Variants in GRIA1 observed in about 807,000 individuals in gnomAD.
GRIA1 encodes the protein glutamate ionotropic receptor AMPA type subunit 1, also known as glutamate receptor 1.
Under a neutral mutation model 99.2 loss-of-function variants are expected in GRIA1, and 31 were observed. The observed-to-expected ratio is 0.31, with a 90% confidence interval of 0.23 to 0.42. The LOEUF is 0.42. GRIA1 is among the 10% of genes least tolerant of loss of function. GRIA1 has a pLI of 1.00. For missense variants in GRIA1, 782 were observed against 1,157.5 expected, an observed-to-expected ratio of 0.68 and a Z score of 4.71; for synonymous variants, 438 against 432.4, an observed-to-expected ratio of 1.01 and a Z score of -0.16.
intron 2 of GRIA1, among the ~76,000 whole-genome samples, chr5:153,510,207 G>T (rs149919874): frequency 6.6e-6 from 1 of 152,122 alleles, no homozygotes. Flanking sequence ...TAAATATATA[G>T]CTAGTTGCTG....
intron 2 of GRIA1, among the ~76,000 whole-genome samples, chr5:153,643,633 ACAGT>A (rs775241885): frequency 6.6e-6 from 1 of 152,124 alleles, no homozygotes; most frequent in Non-Finnish European, 1.5e-5. Context: ...AAATGGTCTG[ACAGT>A]CAGGCACTGA....
intron 2 of GRIA1, among the ~76,000 whole-genome samples, chr5:153,601,583 CT>C (rs1764968044): frequency 6.6e-6 from 1 of 152,182 alleles, no homozygotes; most frequent in Non-Finnish European, 1.5e-5. Context: ...CGGAAAACAC[CT>C]CTCTATTCAA....
intron 15 of GRIA1, among the ~76,000 whole-genome samples, chr5:153,807,363 G>T (rs1240517774): frequency 2.0e-5 from 3 of 152,204 alleles, no homozygotes; most frequent in African/African-American, 7.2e-5. Flanking sequence ...GCAAACACTT[G>T]CATGTTCAAT....
At chr5:153,791,311 C>G (rs977318542) in intron 13 of GRIA1, among the ~76,000 whole-genome samples, 1 of 151,588 alleles carries the variant, frequency 6.6e-6, no homozygotes, top group African/African-American at 2.4e-5. Context: ...AAAGAAAAAA[C>G]CTGCTTTGGC....
intron 2 of GRIA1, among the ~76,000 whole-genome samples, chr5:153,525,812 CCCT>C (rs1010099892): frequency 3.3e-5 from 5 of 152,140 alleles, no homozygotes; most frequent in African/African-American, 1.2e-4. Context: ...AGATAGTTTT[CCCT>C]CCTCATTTCC....
chr5:153,603,733 G>A (rs1220344755), intron 2 of GRIA1, among the ~76,000 whole-genome samples: 1 of 152,164 alleles, frequency 6.6e-6, no homozygotes, highest in East Asian at 1.9e-4. Flanking sequence ...AGGACAGGCT[G>A]AGTGAACAAG....
intron 11 of GRIA1, among the ~76,000 whole-genome samples, chr5:153,760,451 T>C (rs1233479607): frequency 6.6e-6 from 1 of 151,964 alleles, no homozygotes; most frequent in Admixed American, 6.6e-5. Context: ...AAAACACATC[T>C]AGGAGTAAAT....
At chr5:153,553,131 C>T (rs1161985447) in intron 2 of GRIA1, among the ~76,000 whole-genome samples, 1 of 152,160 alleles carries the variant, frequency 6.6e-6, no homozygotes, top group Non-Finnish European at 1.5e-5. Flanking sequence ...GTAGTTTTTC[C>T]TCTTATTTAC....
chr5:153,781,572 C>T (rs1764632370), intron 13 of GRIA1, among the ~76,000 whole-genome samples: 1 of 152,134 alleles, frequency 6.6e-6, no homozygotes, highest in African/African-American at 2.4e-5. Context: ...TAGACCAGTT[C>T]CTACCCAGCC....
At chr5:153,800,816 C>T (rs911806885) in intron 14 of GRIA1, among the ~76,000 whole-genome samples, 6 of 152,172 alleles carry the variant, frequency 3.9e-5, no homozygotes, top group East Asian at 3.8e-4. Flanking sequence ...CCATATGCCC[C>T]GATTCTAATA....
At chr5:153,621,374 G>T (rs981781984) in intron 2 of GRIA1, among the ~76,000 whole-genome samples, 4 of 152,136 alleles carry the variant, frequency 2.6e-5, no homozygotes, top group African/African-American at 9.7e-5. Context: ...GGTAAAGATG[G>T]CAGTATCGCT....
intron 10 of GRIA1, among the ~76,000 whole-genome samples, chr5:153,701,173 T>A (rs542511872): frequency 3.9e-5 from 6 of 152,270 alleles, no homozygotes; most frequent in African/African-American, 1.2e-4. Context: ...GGCAGAACAA[T>A]GCCAGGATCA....
intron 2 of GRIA1, among the ~76,000 whole-genome samples, chr5:153,613,730 A>G (rs1256847651): frequency 4.0e-5 from 6 of 151,510 alleles, no homozygotes; most frequent in African/African-American, 1.5e-4. Context: ...TTTGTCAGCC[A>G]TCATAGAATC....
intron 2 of GRIA1, among the ~76,000 whole-genome samples, chr5:153,518,738 G>A (rs564352665): frequency 1.3e-5 from 2 of 152,274 alleles, no homozygotes; most frequent in South Asian, 4.1e-4. Flanking sequence ...AAACTTATGA[G>A]TTAGTATTAT....
At chr5:153,770,561 C>T (rs1763810816) in intron 13 of GRIA1, 146 bp downstream of exon 13, 4 of 772,128 alleles carry the variant, frequency 5.2e-6, no homozygotes, top group Non-Finnish European at 8.3e-6. Flanking sequence ...CTGAAAGATT[C>T]CAGCCACCCA....
At chr5:153,593,195 A>C (rs1022011978) in intron 2 of GRIA1, among the ~76,000 whole-genome samples, 1 of 152,222 alleles carries the variant, frequency 6.6e-6, no homozygotes, top group Non-Finnish European at 1.5e-5. Flanking sequence ...TGAGCCTGGA[A>C]GGTGGAGGAT....
intron 11 of GRIA1, 136 bp from the exon 12 acceptor site, chr5:153,764,298 T>C: frequency 1.5e-6 from 1 of 661,306 alleles, no homozygotes; most frequent in Non-Finnish European, 2.8e-6. Flanking sequence ...AATTCTCACA[T>C]CTTGCTGACA....
intron 2 of GRIA1, among the ~76,000 whole-genome samples, chr5:153,619,847 T>A (rs1766862840): frequency 6.6e-6 from 1 of 152,140 alleles, no homozygotes; most frequent in Non-Finnish European, 1.5e-5. Flanking sequence ...AAATGGATGC[T>A]CAAGTGTTGT....
intron 8 of GRIA1, among the ~76,000 whole-genome samples, chr5:153,688,339 A>C (rs1423656935): frequency 6.6e-6 from 1 of 152,166 alleles, no homozygotes; most frequent in Non-Finnish European, 1.5e-5. Flanking sequence ...GGGCTCAAAA[A>C]CCCTTGAGAA....
Sources: gnomAD v4.1 joint callset for allele counts (sites outside exome capture counted in the v4.1 genomes callset) on GRCh38, gnomAD v4.1.1 for gene constraint, MANE v1.5 for transcripts, NCBI Gene and HGNC (gene_info 2026-07-23, HGNC 2026-07-21) for gene names.